The following PCNT variants were observed in gnomAD, a reference collection of about 807,000 sequenced individuals.
The protein encoded by PCNT is pericentrin.
In PCNT, 319 loss-of-function variants were observed where a neutral mutation model predicts 380.4. The ratio of observed to expected loss-of-function variants is 0.84; its 90% CI spans 0.77 to 0.92. The LOEUF (loss-of-function observed/expected upper bound fraction) is 0.92, where lower values mean the gene tolerates loss of function less well. PCNT is among the 40% of genes least tolerant of loss of function. The probability of loss-of-function intolerance (pLI) is 0.00; values close to 1 mark genes in which losing one functional copy is unlikely to be tolerated. For synonymous variants in PCNT, 1,845 were observed against 1,735.2 expected, an observed-to-expected ratio of 1.06 and a Z score of -1.57; for missense variants, 4,400 against 4,255.3, an observed-to-expected ratio of 1.03 and a Z score of -0.95.
rs7278433 is a variant in PCNT at position 46,425,103 on chromosome 21, T to C, written c.7180-728T>C. Among the ~76,000 whole-genome samples the C allele has an allele frequency of 6.2e-3, 938 of 152,222 alleles. 10 individuals carry two copies. The highest frequency in any genetic ancestry group is 0.022 in the African/African-American group (902 of 41,540). ...TGTCCTGTGCTTGGGTGTGTGCTCA[T>C]GTGGTGGTGACCGCGCTGAGCCTCT... On this transcript the variant is annotated intron_variant, in intron 32 of 46. Transcript: ENST00000359568. This position sits in a 1 kb window ranked among gnomAD's most constrained non-coding sequence, Gnocchi z 4.2.
At chr21:46,399,268 G>GGTCTTGGTCTCCCTGTGCAGCCTGTGA (rs1569252616) in intron 24 of PCNT, among the ~76,000 whole-genome samples, 1 of 64,058 alleles carries the variant, frequency 1.6e-5, no homozygotes, top group Non-Finnish European at 3.2e-5. Context: ...GCAGCCTGTG[G>GGTCTTGGTCTCCCTGTGCAGCCTGTGA]GTCTGGGTCT....
intron 15 of PCNT, among the ~76,000 whole-genome samples, chr21:46,373,422 G>T (rs1355788871): frequency 6.8e-6 from 1 of 146,628 alleles, no homozygotes; most frequent in Non-Finnish European, 1.5e-5. Flanking sequence ...GGATGTGCAT[G>T]TCAATACTCT....
In PCNT at chr21:46,411,946, A is replaced by T. The variant is rs771398655; in HGVS notation, c.5873A>T (p.His1958Leu). 13 of 1,596,978 alleles carry T rather than the reference A, an allele frequency of 8.1e-6. No homozygotes were observed. The highest frequency in any genetic ancestry group is 1.1e-5 in the Non-Finnish European group (13 of 1,178,820). The change falls in exon 28 of 47, where the codon CAC becomes CTC. Residue 1958 changes from histidine to leucine, a missense_variant. Physicochemically the swap from His to Leu is moderately conservative, Grantham distance 99. Transcript: ENST00000359568. ...DRRQARRATA[H>L]TRVPGAHPQP... The stretch of plus-strand genomic sequence containing the variant: ...CGGCAGGCCCGCAGAGCCACAGCTC[A>T]CACACGGGTGCCCGGGGCCCACCCA...
chr21:46,393,380 G>A (rs780264472), intron 21 of PCNT, among the ~76,000 whole-genome samples: 1 of 152,174 alleles, frequency 6.6e-6, no homozygotes, highest in Non-Finnish European at 1.5e-5. Context: ...TTGCCCTGGC[G>A]GTGCTGTTGC....
rs1749023692 is a variant in PCNT at position 46,345,637 on chromosome 21, G to A, written c.640-491G>A. Reference sequence around the variant, plus strand: ...TCACCATTTTAAAGTACAGACCTCAGTGGCACTTAGTACACTCACAGCATG... The same window carrying A: ...TCACCATTTTAAAGTACAGACCTCAATGGCACTTAGTACACTCACAGCATG... On this transcript the variant is annotated intron_variant, in intron 3 of 46. Transcript: ENST00000359568. Among the ~76,000 whole-genome samples the A allele has an allele frequency of 2.0e-5, 3 of 152,318 alleles. No individual in the cohort carries two copies. The South Asian group carries it at 6.2e-4, about 32-fold the overall frequency.
At chr21:46,409,290 G>A (rs2086712479) in intron 27 of PCNT, among the ~76,000 whole-genome samples, 1 of 149,246 alleles carries the variant, frequency 6.7e-6, no homozygotes, top group Non-Finnish European at 1.5e-5. Flanking sequence ...CCAGGCTCAA[G>A]CAGTCCTCCT....
chr21:46,382,680 G>T lies in PCNT; in HGVS notation c.3312+840G>T, dbSNP rs1200429997. Among the ~76,000 whole-genome samples, 28 of 134,018 alleles carry T rather than the reference G, an allele frequency of 2.1e-4. 1 individual carries two copies. Among genetic ancestry groups the T allele is most frequent in the African/African-American group, 7.6e-4 (27 of 35,664 alleles). 87.9% of individuals were successfully genotyped at this position (134,018 alleles called of 152,430 possible). ...GAAGCGCATTCACGGTGTGCGTTCA[G>T]TGGCGGAAGCGCATTCACAGTGTTG... is the stretch of plus-strand genomic sequence containing the variant. On this transcript the variant is annotated intron_variant, in intron 16 of 46. Coordinates refer to ENST00000359568, the MANE Select transcript of PCNT (RefSeq NM_006031.6).
rs763523366 is a variant in PCNT, at chr21:46,366,869, G to A, written c.2895G>A (p.Leu965=). The change falls in exon 15 of 47, where the codon CTG becomes CTA. Residue 965 remains leucine (L), a synonymous_variant. Transcript: ENST00000359568. ...ADLGALETRH[L]SSLDSLESCY... is the part of the protein sequence containing the mutation. ...TCGGCGCTCTGGAGACCAGACATCT[G>A]TCCAGCCTTGATTCTTTGGAATCCT... 1.2e-6 allele frequency: 2 copies of A among 1,614,124 alleles called. No individual in the cohort carries two copies. Among genetic ancestry groups the A allele is most frequent in the Non-Finnish European group, 8.5e-7 (1 of 1,180,046 alleles).
At position 46,367,209 on chromosome 21, in the gene PCNT, G is replaced by A. The variant is rs1294399681; in HGVS notation, c.3165+70G>A. 1.2e-5 allele frequency: 16 copies of A among 1,351,222 alleles called. No individual in the cohort carries two copies. In the Admixed American group the frequency reaches 2.5e-4, roughly 21 times the overall value. 83.7% of individuals were successfully genotyped at this position (1,351,222 alleles called of 1,614,324 possible). The stretch of plus-strand genomic sequence containing the variant: ...CGCTGCCTGTGTGTTTCCACCGCGT[G>A]TCACATGTCTGCGTGCGTGCTGTGT... On this transcript the variant is annotated intron_variant, in intron 15 of 46. Coordinates refer to ENST00000359568, the MANE Select transcript of PCNT (RefSeq NM_006031.6).
rs2087785594 is a variant in PCNT, at chr21:46,432,021, CA to C, written c.8562del (p.Lys2854AsnfsTer4). Reference protein sequence around the residue: ...LKSTVEALHTQKRELRCSLER... With the variant: ...LKSTVEALHTXKRELRCSLER... ...GTCGACGGTGGAAGCCCTGCACACC[CA>C]AAAACGAGAGCTGAGATGCTCTCTG... is the stretch of plus-strand genomic sequence containing the variant. On this transcript the variant is annotated frameshift_variant, in exon 38 of 47. Transcript: ENST00000359568. LOFTEE classifies it high-confidence loss of function. 3 of 1,613,832 alleles carry C rather than the reference CA, an allele frequency of 1.9e-6. No individual in the cohort carries two copies. The highest frequency in any genetic ancestry group is 4.5e-5 in the East Asian group (2 of 44,872).
chr21:46,356,790 C>T (rs953118481), intron 12 of PCNT, among the ~76,000 whole-genome samples, 184 bp from the exon 13 acceptor site: 1 of 152,202 alleles, frequency 6.6e-6, no homozygotes, highest in African/African-American at 2.4e-5. Context: ...GGAGGTGTCC[C>T]GAAAGGGAGG....
chr21:46,395,595 A>G (rs1342912779), intron 21 of PCNT, among the ~76,000 whole-genome samples: 2 of 150,946 alleles, frequency 1.3e-5, no homozygotes, highest in Non-Finnish European at 2.9e-5. Flanking sequence ...TCTCAGAAAT[A>G]ATAATAAAAT....
intron 43 of PCNT, among the ~76,000 whole-genome samples, chr21:46,441,578 G>A (rs71326329): frequency 6.6e-6 from 1 of 152,122 alleles, no homozygotes; most frequent in African/African-American, 2.4e-5. Context: ...GTGCAGGCGA[G>A]GCCTCCTGGG....
At chr21:46,424,720 C>G (rs542704444) in intron 32 of PCNT, among the ~76,000 whole-genome samples, 1 of 146,644 alleles carries the variant, frequency 6.8e-6, no homozygotes, top group East Asian at 2.1e-4. Flanking sequence ...CTGCGCCCCC[C>G]CCAACCCTGC....
chr21:46,331,767 A>G (rs1056688550), intron 2 of PCNT, among the ~76,000 whole-genome samples: 2 of 148,858 alleles, frequency 1.3e-5, no homozygotes, highest in Admixed American at 1.3e-4. Context: ...CCTTGTCTCA[A>G]AAAAAAAAAA....
chr21:46,423,199 A>T (rs1438067613), intron 32 of PCNT, among the ~76,000 whole-genome samples: 1 of 145,742 alleles, frequency 6.9e-6, no homozygotes, highest in Non-Finnish European at 1.5e-5. Context: ...TCTTCTTTGC[A>T]TTTCCTTTTT....
At chr21:46,362,304 G>A (rs2084749474) in intron 13 of PCNT, among the ~76,000 whole-genome samples, 1 of 152,178 alleles carries the variant, frequency 6.6e-6, no homozygotes, top group African/African-American at 2.4e-5. Flanking sequence ...GGATTTCTGT[G>A]TGTGGGGCAT....
chr21:46,374,720 A>G (rs1429613899), intron 15 of PCNT, among the ~76,000 whole-genome samples: 3 of 152,112 alleles, frequency 2.0e-5, no homozygotes, highest in African/African-American at 7.2e-5. Flanking sequence ...ATGGTGGCAC[A>G]TACCTGTAAT....
intron 15 of PCNT, among the ~76,000 whole-genome samples, chr21:46,370,931 A>T (rs1385214011): frequency 3.9e-5 from 6 of 152,164 alleles, no homozygotes; most frequent in Admixed American, 3.9e-4. Context: ...GCTATTCTGG[A>T]GGTTGAAGCA....
Sources: gnomAD v4.1 joint callset for allele counts (sites outside exome capture counted in the v4.1 genomes callset) on GRCh38, gnomAD v4.1.1 for gene constraint, Gnocchi (gnomAD v3.1) non-coding constraint, MANE v1.5 for transcripts, NCBI Gene and HGNC (gene_info 2026-07-23, HGNC 2026-07-21) for gene names.